The following ATRNL1 variants were observed in gnomAD, a reference collection of about 807,000 sequenced individuals.
ATRNL1 encodes the protein attractin like 1.
A neutral mutation model predicts 182.7 loss-of-function variants in ATRNL1; 95 were observed. That is an observed-to-expected ratio of 0.52 (90% CI 0.44 to 0.62). The LOEUF (loss-of-function observed/expected upper bound fraction) is 0.62. ATRNL1 is among the 20% of genes least tolerant of loss of function. The probability of loss-of-function intolerance (pLI) is 0.00; values close to 1 mark genes in which losing one functional copy is unlikely to be tolerated. For synonymous variants in ATRNL1, 576 were observed against 568.3 expected (o/e 1.01, Z -0.19); for missense variants, 1,471 against 1,679.5 (o/e 0.88, Z 2.17).
chr10:115,914,691 G>A (rs782768384), intron 28 of ATRNL1, among the ~76,000 whole-genome samples: 10 of 152,128 alleles, frequency 6.6e-5, no homozygotes, highest in Admixed American at 2.0e-4. Flanking sequence ...TGTTTCTTAC[G>A]GTTGACTGGT....
At chr10:115,623,880 C>T (rs774837960) in intron 26 of ATRNL1, among the ~76,000 whole-genome samples, 7 of 151,838 alleles carry the variant, frequency 4.6e-5, no homozygotes, top group Admixed American at 2.0e-4. Flanking sequence ...TACATTTCAA[C>T]GGGGCCAAGC....
intron 20 of ATRNL1, among the ~76,000 whole-genome samples, chr10:115,424,494 CA>C (rs1554962541): frequency 2.0e-5 from 3 of 152,118 alleles, no homozygotes; most frequent in African/African-American, 7.2e-5. Flanking sequence ...ACTTTTATTG[CA>C]GCACTATGTA....
rs143887215 is a variant in ATRNL1 at position 115,783,560 on chromosome 10, G to C, written c.3903+56205G>C. On this transcript the variant is annotated intron_variant, in intron 27 of 28. Coordinates refer to ENST00000355044, the MANE Select transcript of ATRNL1 (RefSeq NM_207303.4). ...TGTTAAAATACGTATAAATTGCAAA[G>C]TACCTACACATTTAAGATATTATTG... Among the ~76,000 whole-genome samples the C allele has an allele frequency of 2.7e-4, 41 of 152,206 alleles. No individual in the cohort carries two copies. The East Asian group carries it at 6.0e-3, about 22-fold the overall frequency.
At chr10:115,791,084 T>A (rs1328132757) in intron 27 of ATRNL1, among the ~76,000 whole-genome samples, 1 of 152,216 alleles carries the variant, frequency 6.6e-6, no homozygotes, top group African/African-American at 2.4e-5. Context: ...GTCTCAGGAC[T>A]TTTTAATATC....
intron 25 of ATRNL1, among the ~76,000 whole-genome samples, chr10:115,534,281 G>T (rs11516963): frequency 1.3e-5 from 2 of 149,652 alleles, no homozygotes; most frequent in African/African-American, 4.9e-5. Context: ...TATGAATCTG[G>T]GTGCTCCTGT....
intron 28 of ATRNL1, among the ~76,000 whole-genome samples, chr10:115,908,645 A>T (rs1164317930): frequency 6.6e-6 from 1 of 152,184 alleles, no homozygotes; most frequent in East Asian, 1.9e-4. Context: ...TTGAGGGGCC[A>T]TTATTTTGCC....
intron 26 of ATRNL1, among the ~76,000 whole-genome samples, chr10:115,619,127 G>C (rs564673735): frequency 5.3e-5 from 8 of 152,130 alleles, no homozygotes; most frequent in Non-Finnish European, 8.8e-5. Context: ...TTTAGGTTGT[G>C]GTTGTTTGTG....
At chr10:115,249,736 T>G (rs185570766) in intron 10 of ATRNL1, among the ~76,000 whole-genome samples, 6,097 of 152,186 alleles carry the variant, frequency 0.04, 413 homozygotes, top group African/African-American at 0.14. Flanking sequence ...TCGTGGCTGT[T>G]TTGTTGGTAT....
intron 24 of ATRNL1, among the ~76,000 whole-genome samples, chr10:115,506,217 T>C (rs1039611547): frequency 1.3e-5 from 2 of 152,108 alleles, no homozygotes; most frequent in Non-Finnish European, 2.9e-5. Flanking sequence ...TTCAGAGGCC[T>C]TGTTCCCCAT....
intron 20 of ATRNL1, among the ~76,000 whole-genome samples, chr10:115,418,291 A>G (rs1554961237): frequency 4.6e-5 from 7 of 152,324 alleles, no homozygotes; most frequent in Non-Finnish European, 1.0e-4. Flanking sequence ...AATGAGTGAA[A>G]TGAAATACAA....
intron 26 of ATRNL1, among the ~76,000 whole-genome samples, chr10:115,670,046 C>T (rs1255311726): frequency 2.6e-5 from 4 of 152,040 alleles, no homozygotes; most frequent in Non-Finnish European, 5.9e-5. Context: ...ATTATACTAG[C>T]ATAGTGGTTA....
intron 27 of ATRNL1, among the ~76,000 whole-genome samples, chr10:115,832,347 C>A (rs1347494941): frequency 6.6e-6 from 1 of 152,178 alleles, no homozygotes; most frequent in Non-Finnish European, 1.5e-5. Flanking sequence ...GAGGCTCCAC[C>A]AACCTAAGTG....
chr10:115,753,695 A>G (rs1555071231), intron 27 of ATRNL1, among the ~76,000 whole-genome samples: 1 of 152,142 alleles, frequency 6.6e-6, no homozygotes, highest in Admixed American at 6.5e-5. Flanking sequence ...ATACCCAGTA[A>G]TGGGATTGCT....
At chr10:115,731,006 T>C in intron 27 of ATRNL1, among the ~76,000 whole-genome samples, 1 of 152,284 alleles carries the variant, frequency 6.6e-6, no homozygotes, top group African/African-American at 2.4e-5. Flanking sequence ...TGTTTTTTTC[T>C]GCCTGCTTTA....
chr10:115,612,034 T>C (rs1328925394), intron 26 of ATRNL1, among the ~76,000 whole-genome samples: 5 of 152,140 alleles, frequency 3.3e-5, no homozygotes, highest in African/African-American at 1.2e-4. Flanking sequence ...GTGGATCACC[T>C]GAGGTTAGGA....
chr10:115,629,213 A>G (rs1555025646), intron 26 of ATRNL1, among the ~76,000 whole-genome samples: 1 of 152,212 alleles, frequency 6.6e-6, no homozygotes, highest in Non-Finnish European at 1.5e-5. Context: ...TAGAGCAAAC[A>G]TAGACTTGAA....
chr10:115,155,572 A>G (rs551667969), intron 5 of ATRNL1, among the ~76,000 whole-genome samples: 2 of 152,338 alleles, frequency 1.3e-5, no homozygotes, highest in South Asian at 2.1e-4. Flanking sequence ...ATTTGACTGC[A>G]TAGCTCATGC....
At chr10:115,255,478 C>G (rs1281285059) in intron 10 of ATRNL1, among the ~76,000 whole-genome samples, 1 of 152,134 alleles carries the variant, frequency 6.6e-6, no homozygotes, top group Non-Finnish European at 1.5e-5. Context: ...GATTTTTGCA[C>G]ATTGATTTTG....
chr10:115,685,554 G>A (rs916506929), intron 26 of ATRNL1, among the ~76,000 whole-genome samples: 1 of 151,764 alleles, frequency 6.6e-6, no homozygotes, highest in Non-Finnish European at 1.5e-5. Flanking sequence ...TAGATAATTC[G>A]TCTTATGCCA....
Sources: allele counts gnomAD v4.1 joint callset (sites outside exome capture counted in the v4.1 genomes callset), GRCh38; gene constraint gnomAD v4.1.1; transcripts MANE v1.5; gene names NCBI Gene and HGNC (gene_info 2026-07-23, HGNC 2026-07-21).